FRMD6: variants seen among roughly 807,000 people sequenced by gnomAD.
FRMD6 encodes FERM domain containing 6, also known as FERM domain-containing protein 6.
A neutral mutation model predicts 73.2 loss-of-function variants in FRMD6; 37 were observed. The ratio of observed to expected loss-of-function variants is 0.51; its 90% CI spans 0.39 to 0.66. The LOEUF is 0.66. Ranked by LOEUF, FRMD6 falls within the 30% of genes least tolerant of loss-of-function variation. The pLI is 0.00. For missense variants in FRMD6, 714 were observed against 780.5 expected, an observed-to-expected ratio of 0.91 and a Z score of 1.02; for synonymous variants, 273 against 282.2, an observed-to-expected ratio of 0.97 and a Z score of 0.33.
chr14:51,535,375 C>T (rs878903903), intron 1 of FRMD6, among the ~76,000 whole-genome samples: 1 of 152,178 alleles, frequency 6.6e-6, no homozygotes, highest in Admixed American at 6.5e-5. Flanking sequence ...CTCACCCCAT[C>T]CCTAAACAAC....
intron 1 of FRMD6, among the ~76,000 whole-genome samples, chr14:51,497,531 C>T (rs1309100333): frequency 6.6e-6 from 1 of 152,080 alleles, no homozygotes; most frequent in Non-Finnish European, 1.5e-5. Context: ...TAATGCAAGC[C>T]ACATGTGTGA....
chr14:51,696,025 A>C (rs1427738660), intron 2 of FRMD6, among the ~76,000 whole-genome samples: 3 of 151,988 alleles, frequency 2.0e-5, no homozygotes, highest in African/African-American at 7.2e-5. Context: ...ATTATCATTG[A>C]AAAAAAGGAT....
At chr14:51,465,482 C>A in the FRMD6 span, among the ~76,000 whole-genome samples, 1 of 152,124 alleles carries the variant, frequency 6.6e-6, no homozygotes, top group South Asian at 2.1e-4. Context: ...TTGTTTTCTG[C>A]AACTACAAAT....
intron 1 of FRMD6, among the ~76,000 whole-genome samples, chr14:51,672,773 A>G (rs755328966): frequency 2.0e-5 from 3 of 151,990 alleles, no homozygotes; most frequent in Non-Finnish European, 4.4e-5. Context: ...CATCTTATCT[A>G]TGTTTTCGAA....
At chr14:51,442,156 T>C in the FRMD6 span, among the ~76,000 whole-genome samples, 1 of 152,208 alleles carries the variant, frequency 6.6e-6, no homozygotes, top group African/African-American at 2.4e-5. Context: ...TAAAAGCATT[T>C]GTGGATGACA....
upstream of FRMD6, among the ~76,000 whole-genome samples, chr14:51,487,655 TA>T (rs1251773532): frequency 6.6e-6 from 1 of 152,240 alleles, no homozygotes; most frequent in Non-Finnish European, 1.5e-5. Flanking sequence ...TTTTTAAAAA[TA>T]TTTTTTACAA....
chr14:51,509,172 C>T (rs916636297), intron 1 of FRMD6, among the ~76,000 whole-genome samples: 3 of 152,118 alleles, frequency 2.0e-5, no homozygotes, highest in Non-Finnish European at 2.9e-5. Context: ...TAATTTTGTC[C>T]CCACTTGGTT....
intron 2 of FRMD6, among the ~76,000 whole-genome samples, chr14:51,586,830 A>G (rs1036293948): frequency 3.9e-5 from 6 of 152,116 alleles, no homozygotes; most frequent in Admixed American, 3.3e-4. Context: ...TGCAGCCTCA[A>G]CCTCCTGGAC....
chr14:51,412,077 T>C, the FRMD6 span, among the ~76,000 whole-genome samples: 2 of 136,756 alleles, frequency 1.5e-5, no homozygotes, highest in South Asian at 2.4e-4. Flanking sequence ...TTGCTTCCAG[T>C]TGGCACGTTA....
At chr14:51,677,588 C>T (rs1313278378) in intron 1 of FRMD6, among the ~76,000 whole-genome samples, 1 of 152,102 alleles carries the variant, frequency 6.6e-6, no homozygotes, top group East Asian at 1.9e-4. Context: ...CTTTTGAATA[C>T]AGATGGCTGT....
chr14:51,727,100 T>C (rs867080023), intron 13 of FRMD6, among the ~76,000 whole-genome samples: 5 of 152,042 alleles, frequency 3.3e-5, no homozygotes, highest in African/African-American at 1.2e-4. Flanking sequence ...GTTCGGGAAC[T>C]TAGTCCTGGT....
chr14:51,722,999 C>T (rs757409831), intron 12 of FRMD6, among the ~76,000 whole-genome samples: 2 of 152,208 alleles, frequency 1.3e-5, no homozygotes, highest in Non-Finnish European at 2.9e-5. Flanking sequence ...GAGCAGGAGG[C>T]ATCTTTTATT....
At chr14:51,717,473 T>G (rs1055338709) in intron 10 of FRMD6, 1 of 152,212 alleles carries the variant, frequency 6.6e-6, no homozygotes, top group Non-Finnish European at 1.5e-5. Flanking sequence ...AACTCCCATG[T>G]CTTACTACTA....
chr14:51,524,303 A>T (rs1885109596), intron 1 of FRMD6, among the ~76,000 whole-genome samples: 1 of 152,134 alleles, frequency 6.6e-6, no homozygotes, highest in Admixed American at 6.5e-5. Context: ...AATATAATAT[A>T]TATAAAGATC....
chr14:51,501,851 AG>A (rs1318757637), intron 1 of FRMD6, among the ~76,000 whole-genome samples: 1 of 152,138 alleles, frequency 6.6e-6, no homozygotes, highest in Non-Finnish European at 1.5e-5. Flanking sequence ...ACTGTGTAAA[AG>A]TGTTCCTTTT....
intron 1 of FRMD6, among the ~76,000 whole-genome samples, chr14:51,512,719 G>A (rs1269632744): frequency 6.6e-6 from 1 of 152,100 alleles, no homozygotes; most frequent in Non-Finnish European, 1.5e-5. Flanking sequence ...AAGAGAAGGA[G>A]TAGTCTGTAT....
chr14:51,484,289 CCTGGAA>C (rs1882722321), upstream of FRMD6, among the ~76,000 whole-genome samples: 2 of 152,138 alleles, frequency 1.3e-5, no homozygotes, highest in African/African-American at 4.8e-5. Flanking sequence ...TCTGCTATGG[CCTGGAA>C]CAGATGTGAA....
At chr14:51,447,040 A>G in the FRMD6 span, among the ~76,000 whole-genome samples, 2 of 152,188 alleles carry the variant, frequency 1.3e-5, no homozygotes. Context: ...GGAGACTTCA[A>G]TACTTTATAA....
chr14:51,594,392 G>C (rs547347347), intron 2 of FRMD6, among the ~76,000 whole-genome samples: 8 of 151,596 alleles, frequency 5.3e-5, no homozygotes, highest in Admixed American at 2.6e-4. Context: ...GCAATGGTGC[G>C]ATCTTGGCTC....
Sources: gnomAD v4.1 joint callset for allele counts (sites outside exome capture counted in the v4.1 genomes callset) on GRCh38, gnomAD v4.1.1 for gene constraint, MANE v1.5 for transcripts, NCBI Gene and HGNC (gene_info 2026-07-23, HGNC 2026-07-21) for gene names.